CLIP1: variants seen among roughly 807,000 people sequenced by gnomAD.
The protein encoded by CLIP1 is CAP-Gly domain containing linker protein 1, also known as CAP-Gly domain-containing linker protein 1.
In CLIP1, 66 loss-of-function variants were observed where a neutral mutation model predicts 161.6. That is an observed-to-expected ratio of 0.41 (90% CI 0.33 to 0.50). The LOEUF (loss-of-function observed/expected upper bound fraction) is 0.50. Among genes scored for constraint, CLIP1 ranks in the 20% least tolerant of loss-of-function variants. The probability of loss-of-function intolerance (pLI) is 0.27; values close to 1 mark genes in which losing one functional copy is unlikely to be tolerated. For missense variants in CLIP1, 1,376 were observed against 1,702.0 expected, an observed-to-expected ratio of 0.81 and a Z score of 3.37; for synonymous variants, 598 against 626.2, an observed-to-expected ratio of 0.96 and a Z score of 0.67.
intron 1 of CLIP1, among the ~76,000 whole-genome samples, chr12:122,391,870 C>T (rs940841156): frequency 6.6e-6 from 1 of 152,214 alleles, no homozygotes. Flanking sequence ...ATACAAGAAT[C>T]ACAAATGTTA....
At chr12:122,307,244 T>C (rs1002883781) in intron 20 of CLIP1, among the ~76,000 whole-genome samples, 3 of 151,994 alleles carry the variant, frequency 2.0e-5, no homozygotes, top group Non-Finnish European at 4.4e-5. Flanking sequence ...CCTGACCTCA[T>C]GATCCACCCG....
intron 1 of CLIP1, chr12:122,395,689 C>T (rs1246186783): frequency 5.3e-5 from 8 of 152,188 alleles, no homozygotes; most frequent in Non-Finnish European, 1.2e-4. Flanking sequence ...AGCAAGTCCA[C>T]CTAAATAGCT....
chr12:122,360,998 C>A lies in CLIP1; in HGVS notation c.966G>T (p.Val322=), dbSNP rs1361171615. 1 of 1,613,918 alleles carries A rather than the reference C, an allele frequency of 6.2e-7. No homozygotes were observed. The highest frequency in any genetic ancestry group is 8.5e-7 in the Non-Finnish European group (1 of 1,180,034). ...TGGGCCTGCTGCTCACAGAGGAGGC[C>A]ACTGAGCTCATGGAGCTGAGGGAAG... ...SASSLSSMSS[V]ASSVSSRPSR... Residue 322 remains valine (V), a synonymous_variant, in exon 5 of 26, where the codon GTG becomes GTT. Transcript: ENST00000620786.
At chr12:122,372,056 C>A (rs1035368029) in intron 3 of CLIP1, among the ~76,000 whole-genome samples, 1 of 151,626 alleles carries the variant, frequency 6.6e-6, no homozygotes, top group African/African-American at 2.4e-5. Context: ...CCAAGGTGGG[C>A]GGATCACTTG....
At chr12:122,388,557 C>A (rs926264942) in intron 1 of CLIP1, among the ~76,000 whole-genome samples, 1 of 152,000 alleles carries the variant, frequency 6.6e-6, no homozygotes, top group Non-Finnish European at 1.5e-5. Context: ...TATTTGGATG[C>A]TGAAGTTTAT....
chr12:122,343,815 G>A (rs551389114), intron 10 of CLIP1: 3 of 152,302 alleles, frequency 2.0e-5, no homozygotes, highest in South Asian at 4.1e-4. Flanking sequence ...TAGTACATAG[G>A]ATGTGTGGAA....
At chr12:122,275,681 AT>A (rs1460294224) in intron 24 of CLIP1, 2 of 145,856 alleles carry the variant, frequency 1.4e-5, no homozygotes, top group African/African-American at 5.1e-5. Flanking sequence ...CACAAAATGC[AT>A]AAAAAGGTTA....
chr12:122,285,367 C>T lies in CLIP1; in HGVS notation c.3647+3122G>A, dbSNP rs1034772534. Among the ~76,000 whole-genome samples the T allele has an allele frequency of 1.6e-4, 25 of 152,104 alleles. 1 individual carries two copies. Among genetic ancestry groups the T allele is most frequent in the African/African-American group, 5.8e-4 (24 of 41,420 alleles). Reference sequence around the variant, plus strand: ...TCAGCCTCCTGAGTAGCTAGGACTGCAGGCACATGCCACCATGCCCAGCTA... The same window carrying T: ...TCAGCCTCCTGAGTAGCTAGGACTGTAGGCACATGCCACCATGCCCAGCTA... On this transcript the variant is annotated intron_variant, in intron 21 of 25. Coordinates refer to ENST00000620786, the MANE Select transcript of CLIP1 (RefSeq NM_001247997.2).
Position 122,322,072 on chromosome 12 carries a change from G to A in CLIP1, c.3250-2724C>T, listed in dbSNP as rs77197876. 4.6e-5 allele frequency: 7 copies of A among 152,770 alleles called. No individual in the cohort carries two copies. In the East Asian group the frequency reaches 1.3e-3, roughly 29 times the overall value. 9.5% of individuals were successfully genotyped at this position (152,770 alleles called of 1,614,324 possible). On this transcript the variant is annotated intron_variant, in intron 17 of 25. Coordinates refer to ENST00000620786, the MANE Select transcript of CLIP1 (RefSeq NM_001247997.2). The stretch of plus-strand genomic sequence containing the variant: ...CCACTTGAGTTAGTGCACAGTGTTA[G>A]TAAGCAGTCTGGGTGCTCAATACTT...
chr12:122,315,991 TG>T (rs1183609169), intron 19 of CLIP1, among the ~76,000 whole-genome samples: 1 of 151,952 alleles, frequency 6.6e-6, no homozygotes, highest in East Asian at 1.9e-4. Context: ...ACATGCTATT[TG>T]ATTTTTTTCC....
At chr12:122,422,854 G>T (rs1957007833), upstream of CLIP1, among the ~76,000 whole-genome samples, 1 of 151,222 alleles carries the variant, frequency 6.6e-6, no homozygotes, top group African/African-American at 2.4e-5. Flanking sequence ...CGGCGCGCCC[G>T]CCGCTCCGCC....
chr12:122,402,231 G>A (rs774598164), intron 1 of CLIP1, among the ~76,000 whole-genome samples: 1 of 152,134 alleles, frequency 6.6e-6, no homozygotes, highest in East Asian at 1.9e-4. Flanking sequence ...ATCAAGGGCT[G>A]GGCACGGTGG....
chr12:122,360,410 CAAA>C (rs34294939), intron 5 of CLIP1, among the ~76,000 whole-genome samples: 48 of 87,332 alleles, frequency 5.5e-4, no homozygotes, highest in Non-Finnish European at 3.0e-4. Context: ...CCTCTCTCTA[CAAA>C]AAAAAAAAAA....
At position 122,380,527 on chromosome 12, in the gene CLIP1, G is replaced by A. The variant is rs1954968765; in HGVS notation, c.-75C>T. On this transcript the variant is annotated 5_prime_UTR_variant, in exon 2 of 26. Coordinates refer to ENST00000620786, the MANE Select transcript of CLIP1 (RefSeq NM_001247997.2). ...TCCCCAACCATTGATACAACTGTGG[G>A]TTCTATAGTGAAGTCAGTCTCTGGA... The A allele has an allele frequency of 4.7e-6, 4 of 851,420 alleles. No individual in the cohort carries two copies. The South Asian group carries it at 6.5e-5, about 14-fold the overall frequency. The allele number at this position is 851,420 out of a possible 1,614,324, so 52.7% of individuals were successfully genotyped here. A position where few individuals can be genotyped will look rare whatever the true frequency, so the allele number is the denominator to read the frequency against.
chr12:122,315,647 T>TTTTTCC (rs1181698891), intron 19 of CLIP1, among the ~76,000 whole-genome samples: 1 of 122,194 alleles, frequency 8.2e-6, no homozygotes, highest in African/African-American at 5.8e-5. Context: ...TTCCTTTTCT[T>TTTTTCC]TTTTTTTTTT....
intron 10 of CLIP1, among the ~76,000 whole-genome samples, chr12:122,345,001 A>AC (rs397802366): frequency 1.3e-5 from 2 of 151,394 alleles, no homozygotes; most frequent in African/African-American, 2.4e-5. Context: ...AGGAAAAAAA[A>AC]CATCAAAATT....
chr12:122,283,458 TTTC>T (rs1955726578), intron 21 of CLIP1, among the ~76,000 whole-genome samples: 1 of 151,154 alleles, frequency 6.6e-6, no homozygotes, highest in Non-Finnish European at 1.5e-5. Context: ...CTTTCTTTCT[TTTC>T]TTTTTTTTTT....
intron 3 of CLIP1, chr12:122,365,674 A>AT (rs1954111679): frequency 2.6e-5 from 15 of 567,242 alleles, no homozygotes; most frequent in South Asian, 1.3e-4. Context: ...CCTCTGGGCT[A>AT]TTTAAAAAAA....
At chr12:122,391,292 AAAG>A (rs1955651950) in intron 1 of CLIP1, among the ~76,000 whole-genome samples, 1 of 151,818 alleles carries the variant, frequency 6.6e-6, no homozygotes, top group African/African-American at 2.4e-5. Flanking sequence ...CGTCTAACAA[AAAG>A]AAGAACAAGG....
Sources: allele counts gnomAD v4.1 joint callset (sites outside exome capture counted in the v4.1 genomes callset), GRCh38; gene constraint gnomAD v4.1.1; transcripts MANE v1.5; gene names NCBI Gene and HGNC (gene_info 2026-07-23, HGNC 2026-07-21).